NDST3: variants seen among roughly 807,000 people sequenced by gnomAD.
NDST3 encodes the protein bifunctional heparan sulfate N-deacetylase/N-sulfotransferase 3.
A neutral mutation model predicts 96.1 loss-of-function variants in NDST3; 58 were observed. The observed-to-expected ratio is 0.60, with a 90% CI of 0.49 to 0.75. The LOEUF is 0.75. Ranked by LOEUF, NDST3 falls within the 30% of genes least tolerant of loss-of-function variation. The pLI is 0.00. For synonymous variants in NDST3, 333 were observed against 359.7 expected, an observed-to-expected ratio of 0.93 and a Z score of 0.84; for missense variants, 788 against 1,034.2, an observed-to-expected ratio of 0.76 and a Z score of 3.27.
At chr4:118,142,612 A>C (rs1429287013) in intron 5 of NDST3, among the ~76,000 whole-genome samples, 1 of 152,136 alleles carries the variant, frequency 6.6e-6, no homozygotes, top group Admixed American at 6.6e-5. Context: ...TTAGGACAAT[A>C]AGCAGAAGAC....
rs1241133165 is a variant in NDST3 at position 118,208,209 on chromosome 4, TTTAG to T, written c.1540-16278_1540-16275del. Among the ~76,000 whole-genome samples, 19 of 143,352 alleles carry T rather than the reference TTTAG, an allele frequency of 1.3e-4. 3 individuals are homozygous for T. Among genetic ancestry groups the T allele is most frequent in the Non-Finnish European group, 2.9e-4 (19 of 64,818 alleles). 94.0% of individuals were successfully genotyped at this position (143,352 alleles called of 152,430 possible). On this transcript the variant is annotated intron_variant, in intron 6 of 13. Transcript: ENST00000296499. ...TGCAAAATTTTTAATAGATACATGG[TTTAG>T]TTACAGTCTTTTATGAACTTCTCAC...
At chr4:118,250,289 A>T (rs1196533097) in intron 12 of NDST3, among the ~76,000 whole-genome samples, 3 of 152,162 alleles carry the variant, frequency 2.0e-5, no homozygotes. Context: ...AATATTTTTA[A>T]TTTCTACCAA....
chr4:118,178,846 A>G (rs1736425819), intron 6 of NDST3, among the ~76,000 whole-genome samples: 1 of 151,972 alleles, frequency 6.6e-6, no homozygotes, highest in African/African-American at 2.4e-5. Context: ...CCAACACATT[A>G]TTTCCTGTTG....
intron 3 of NDST3, among the ~76,000 whole-genome samples, chr4:118,112,111 A>G (rs1730690961): frequency 6.6e-6 from 1 of 151,622 alleles, no homozygotes. Flanking sequence ...GCCTAATATG[A>G]ACTGAGATAA....
chr4:118,039,797 C>A (rs918046131), intron 1 of NDST3, among the ~76,000 whole-genome samples: 1 of 152,132 alleles, frequency 6.6e-6, no homozygotes. Flanking sequence ...GAGATTATCT[C>A]TTTTGGGAAC....
intron 6 of NDST3, among the ~76,000 whole-genome samples, chr4:118,146,063 A>G (rs1243617208): frequency 6.6e-6 from 1 of 152,228 alleles, no homozygotes; most frequent in Admixed American, 6.5e-5. Context: ...CCATCCTGAA[A>G]TTAAGTGCTT....
intron 6 of NDST3, among the ~76,000 whole-genome samples, chr4:118,191,129 T>C (rs1452113994): frequency 1.3e-5 from 2 of 152,148 alleles, no homozygotes; most frequent in African/African-American, 4.8e-5. Context: ...AACTCTTAGG[T>C]GAAGCAAGAA....
chr4:118,143,518 A>G, intron 5 of NDST3, 38 bp from the exon 6 acceptor site: 1 of 1,583,156 alleles, frequency 6.3e-7, no homozygotes, highest in Non-Finnish European at 8.5e-7. Context: ...GATTGGAAAA[A>G]AAAAAGCTTT....
intron 6 of NDST3, among the ~76,000 whole-genome samples, chr4:118,156,151 C>T (rs1734697347): frequency 6.6e-6 from 1 of 151,964 alleles, no homozygotes; most frequent in Non-Finnish European, 1.5e-5. Flanking sequence ...TTCTTATATG[C>T]ACCTTTCACT....
chr4:118,050,697 A>G (rs1725027115), intron 1 of NDST3, among the ~76,000 whole-genome samples: 1 of 152,166 alleles, frequency 6.6e-6, no homozygotes, highest in Admixed American at 6.5e-5. Context: ...AAGGAGAACT[A>G]AAAAACACTG....
chr4:118,198,167 T>C (rs1248088870), intron 6 of NDST3, among the ~76,000 whole-genome samples: 1 of 152,174 alleles, frequency 6.6e-6, no homozygotes, highest in East Asian at 1.9e-4. Context: ...ATTCAATTTA[T>C]AGATAAGTAA....
intron 6 of NDST3, among the ~76,000 whole-genome samples, chr4:118,204,394 C>G (rs1326089729): frequency 6.9e-6 from 1 of 144,558 alleles, no homozygotes. Context: ...AGAGTAAGCT[C>G]AGAGAGACTC....
chr4:118,174,013 A>G (rs1307041009), intron 6 of NDST3, among the ~76,000 whole-genome samples: 3 of 152,242 alleles, frequency 2.0e-5, no homozygotes, highest in Non-Finnish European at 4.4e-5. Flanking sequence ...ACATTTCACT[A>G]GAACAACTTA....
At chr4:118,237,341 C>A in intron 10 of NDST3, 121 bp downstream of exon 10, 2 of 773,974 alleles carry the variant, frequency 2.6e-6, no homozygotes, top group Middle Eastern at 2.7e-4. Context: ...TGTTTGATAT[C>A]TACAGAAAAA....
chr4:118,110,815 CA>C (rs1326849601), intron 3 of NDST3, among the ~76,000 whole-genome samples: 11 of 152,016 alleles, frequency 7.2e-5, no homozygotes, highest in African/African-American at 2.7e-4. Context: ...TGGATATTAT[CA>C]TATATCCAAA....
chr4:118,059,221 A>C (rs1725702442), intron 2 of NDST3, among the ~76,000 whole-genome samples: 1 of 152,108 alleles, frequency 6.6e-6, no homozygotes, highest in South Asian at 2.1e-4. Context: ...CTCCTGGAGC[A>C]TCTTGTACTT....
chr4:118,145,585 C>T (rs1371780639), intron 6 of NDST3, among the ~76,000 whole-genome samples: 2 of 152,222 alleles, frequency 1.3e-5, no homozygotes, highest in East Asian at 3.9e-4. Flanking sequence ...AAAAACCTTA[C>T]AGTAAAGTTT....
intron 1 of NDST3, among the ~76,000 whole-genome samples, chr4:118,053,343 T>C (rs961924974): frequency 1.3e-5 from 2 of 151,990 alleles, no homozygotes; most frequent in Non-Finnish European, 2.9e-5. Context: ...CATGTTTTAA[T>C]TATGGCATAA....
intron 4 of NDST3, among the ~76,000 whole-genome samples, chr4:118,117,435 A>G (rs1179977919): frequency 6.6e-6 from 1 of 152,144 alleles, no homozygotes; most frequent in East Asian, 1.9e-4. Flanking sequence ...TTTACTTTGT[A>G]TTGGGATGGC....
Sources: allele counts gnomAD v4.1 joint callset (sites outside exome capture counted in the v4.1 genomes callset), GRCh38; gene constraint gnomAD v4.1.1; transcripts MANE v1.5; gene names NCBI Gene and HGNC (gene_info 2026-07-23, HGNC 2026-07-21).